The following ELSPBP1 variants were observed in gnomAD, a reference collection of about 807,000 sequenced individuals.
The protein encoded by ELSPBP1 is epididymal sperm-binding protein 1.
ELSPBP1 carries 38 observed loss-of-function variants against 33.3 expected under a neutral mutation model. That is an observed-to-expected ratio of 1.14 (90% CI 0.88 to 1.50). The LOEUF (loss-of-function observed/expected upper bound fraction) is 1.50. Ranked by LOEUF, ELSPBP1 falls within the 40% of genes most tolerant of loss-of-function variation. ELSPBP1 has a pLI of 0.00. For synonymous variants in ELSPBP1, 85 were observed against 94.1 expected, an observed-to-expected ratio of 0.90 and a Z score of 0.56; for missense variants, 267 against 263.5, an observed-to-expected ratio of 1.01 and a Z score of -0.09.
At chr19:48,023,487 G>A (rs537310741) in intron 6 of ELSPBP1, among the ~76,000 whole-genome samples, 136 of 57,406 alleles carry the variant, frequency 2.4e-3, no homozygotes, top group African/African-American at 5.0e-3. Flanking sequence ...AGGAGGGAAG[G>A]GAGGGAGGGA....
At chr19:48,016,968 A>C (rs556828894) in intron 4 of ELSPBP1, among the ~76,000 whole-genome samples, 2 of 152,288 alleles carry the variant, frequency 1.3e-5, no homozygotes, top group South Asian at 4.1e-4. Flanking sequence ...ATAATGACCA[A>C]AATTCATTGA....
intron 2 of ELSPBP1, among the ~76,000 whole-genome samples, chr19:48,012,932 A>T (rs1967093006): frequency 6.6e-6 from 1 of 152,228 alleles, no homozygotes. Context: ...CCATTATTAA[A>T]TTCTGCTAGA....
chr19:48,017,542 T>C (rs1821528627), intron 4 of ELSPBP1, among the ~76,000 whole-genome samples: 1 of 152,156 alleles, frequency 6.6e-6, no homozygotes, highest in African/African-American at 2.4e-5. Context: ...TAATACATCA[T>C]TAATTCATAA....
At chr19:48,018,783 C>A (rs1488893012) in intron 4 of ELSPBP1, among the ~76,000 whole-genome samples, 1 of 151,990 alleles carries the variant, frequency 6.6e-6, no homozygotes, top group Non-Finnish European at 1.5e-5. Flanking sequence ...CATGAAAGAC[C>A]ACCAAAGGAA....
intron 1 of ELSPBP1, among the ~76,000 whole-genome samples, chr19:48,001,853 T>G (rs1169514561): frequency 6.6e-6 from 1 of 151,108 alleles, no homozygotes; most frequent in Admixed American, 6.6e-5. Context: ...ATGCTGGCTG[T>G]TTTTTTTTAA....
intron 2 of ELSPBP1, 116 bp from the exon 3 acceptor site, chr19:48,014,055 C>T (rs947624218): frequency 2.9e-5 from 35 of 1,214,694 alleles, no homozygotes; most frequent in African/African-American, 1.4e-4. Context: ...AATTTTGCGG[C>T]GGGGGCAGGG....
chr19:48,022,150 T>C lies in ELSPBP1; in HGVS notation c.515-20T>C. 6.2e-7 allele frequency: 1 copy of C among 1,603,302 alleles called. No individual in the cohort carries two copies. On this transcript the variant is annotated intron_variant, in intron 5 of 6. Coordinates refer to ENST00000339841, the MANE Select transcript of ELSPBP1 (RefSeq NM_022142.5). ...GAAGCCTGAGGAGTAACCTTTGTTT[T>C]ATCCCCTTCTGCTTCCTAGGAATTT...
intron 6 of ELSPBP1, 187 bp downstream of exon 6, chr19:48,022,521 G>A (rs745903637): frequency 4.8e-5 from 22 of 459,684 alleles, no homozygotes; most frequent in Non-Finnish European, 7.1e-5. Flanking sequence ...AGCAATGCGG[G>A]CTCCTGTTGT....
rs377166174 is a variant in ELSPBP1, at chr19:47,998,406, A to G, written c.-18+3595A>G. ...AGCCTGAGTGACAGAGTGAGACTCC[A>G]TCTCAAAAAAAAGAAAAAAAATCAA... On this transcript the variant is annotated intron_variant, in intron 1 of 6. Transcript: ENST00000339841. Among the ~76,000 whole-genome samples, 572 of 151,782 alleles carry G rather than the reference A, an allele frequency of 3.8e-3. 1 individual carries two copies. Among genetic ancestry groups the G allele is most frequent in the African/African-American group, 0.013 (545 of 41,368 alleles).
intron 1 of ELSPBP1, among the ~76,000 whole-genome samples, chr19:48,003,215 T>C (rs1309007478): frequency 6.6e-6 from 1 of 152,214 alleles, no homozygotes; most frequent in African/African-American, 2.4e-5. Context: ...CCTAAAATAT[T>C]TTCTATGAAT....
intron 1 of ELSPBP1, among the ~76,000 whole-genome samples, chr19:48,007,838 C>T (rs1967037547): frequency 6.6e-6 from 1 of 152,104 alleles, no homozygotes; most frequent in Admixed American, 6.6e-5. Context: ...GTGTTAGTTT[C>T]TGCATCTATA....
intron 2 of ELSPBP1, among the ~76,000 whole-genome samples, chr19:48,009,286 T>C (rs1568405253): frequency 6.6e-6 from 1 of 152,130 alleles, no homozygotes; most frequent in Non-Finnish European, 1.5e-5. Flanking sequence ...TCTCACGGGG[T>C]TATTTTGAAG....
intron 1 of ELSPBP1, among the ~76,000 whole-genome samples, chr19:48,006,600 C>A (rs551792422): frequency 0.019 from 1,982 of 102,638 alleles, 49 homozygotes; most frequent in African/African-American, 0.072. Flanking sequence ...GGCGTCTGGG[C>A]GACAGAGTGA....
intron 4 of ELSPBP1, among the ~76,000 whole-genome samples, chr19:48,017,435 G>A (rs553021845): frequency 6.6e-6 from 1 of 152,168 alleles, no homozygotes; most frequent in African/African-American, 2.4e-5. Context: ...TTCATCCCAA[G>A]TCCAACTCTT....
At chr19:48,018,712 C>G (rs1242957833) in intron 4 of ELSPBP1, among the ~76,000 whole-genome samples, 2 of 152,112 alleles carry the variant, frequency 1.3e-5, no homozygotes, top group Admixed American at 6.6e-5. Flanking sequence ...AGAATTTGTG[C>G]TCTTAATCAC....
intron 1 of ELSPBP1, among the ~76,000 whole-genome samples, chr19:48,003,580 A>G (rs1966988263): frequency 7.1e-6 from 1 of 139,880 alleles, no homozygotes; most frequent in Non-Finnish European, 1.5e-5. Flanking sequence ...TCTGTCACCC[A>G]GGCTGGAGTG....
At position 48,006,644 on chromosome 19, in the gene ELSPBP1, A is replaced by G. The variant is rs974686160; in HGVS notation, c.-17-2007A>G. On this transcript the variant is annotated intron_variant, in intron 1 of 6. Coordinates refer to ENST00000339841, the MANE Select transcript of ELSPBP1 (RefSeq NM_022142.5). The stretch of plus-strand genomic sequence containing the variant: ...CTCAAAAAAAAAAAAAAAAAAAAAA[A>G]AAAGAAAAGAAAAAGAAAATTTAAG... Among the ~76,000 whole-genome samples the G allele has an allele frequency of 3.9e-3, 579 of 147,494 alleles. 13 individuals are homozygous for G. The highest frequency in any genetic ancestry group is 0.014 in the African/African-American group (538 of 39,380).
At chr19:48,014,371 G>C in intron 3 of ELSPBP1, 63 bp downstream of exon 3, 1 of 1,565,166 alleles carries the variant, frequency 6.4e-7, no homozygotes, top group Non-Finnish European at 8.7e-7. Context: ...AAAAGAGAAT[G>C]TGTGACTGTC....
In ELSPBP1 at chr19:48,007,898, T is replaced by C. The variant is rs544131264; in HGVS notation, c.-17-753T>C. Among the ~76,000 whole-genome samples the C allele has an allele frequency of 3.9e-5, 6 of 152,300 alleles. No individual in the cohort carries two copies. In the East Asian group the frequency reaches 1.2e-3, roughly 29 times the overall value. On this transcript the variant is annotated intron_variant, in intron 1 of 6. Transcript: ENST00000339841. ...CTTGATTTATGAAAGCCAAGTGACATAAAGTGTGTTGAACATCGAGCCTGG... is the reference window on the plus strand; with the variant it reads ...CTTGATTTATGAAAGCCAAGTGACACAAAGTGTGTTGAACATCGAGCCTGG...
Sources: allele counts gnomAD v4.1 joint callset (sites outside exome capture counted in the v4.1 genomes callset), GRCh38; gene constraint gnomAD v4.1.1; transcripts MANE v1.5; gene names NCBI Gene and HGNC (gene_info 2026-07-23, HGNC 2026-07-21).